PDE4D: variants seen among roughly 807,000 people sequenced by gnomAD.
PDE4D encodes phosphodiesterase 4D.
Under a neutral mutation model 87.4 loss-of-function variants are expected in PDE4D, and 24 were observed. That is an observed-to-expected ratio of 0.27 (90% CI 0.20 to 0.39). PDE4D has a LOEUF of 0.39. Among genes scored for constraint, PDE4D ranks in the 10% least tolerant of loss-of-function variants. The pLI, the probability that PDE4D is intolerant of heterozygous loss-of-function variation, is 1.00. For synonymous variants in PDE4D, 384 were observed against 383.2 expected (o/e 1.00, Z -0.02); for missense variants, 714 against 1,041.0 (o/e 0.69, Z 4.32).
intron 1 of PDE4D, among the ~76,000 whole-genome samples, chr5:59,419,007 A>C (rs546341565): frequency 6.6e-6 from 1 of 152,152 alleles, no homozygotes; most frequent in South Asian, 2.1e-4. Context: ...GCTGGGTCTC[A>C]GTTTTCTTAT....
intron 1 of PDE4D, among the ~76,000 whole-genome samples, chr5:60,203,098 A>C (rs1742119008): frequency 6.6e-6 from 1 of 152,064 alleles, no homozygotes; most frequent in Non-Finnish European, 1.5e-5. Flanking sequence ...TAGCCTGCTG[A>C]GTAGCTGGGA....
intron 1 of PDE4D, among the ~76,000 whole-genome samples, chr5:60,520,395 T>C (rs1441708299): frequency 6.6e-6 from 1 of 152,222 alleles, no homozygotes; most frequent in African/African-American, 2.4e-5. Context: ...ATCCTTTGCC[T>C]GGGAGTGAGA....
intron 1 of PDE4D, among the ~76,000 whole-genome samples, chr5:59,652,830 A>G (rs1743731299): frequency 6.6e-6 from 1 of 152,108 alleles, no homozygotes; most frequent in South Asian, 2.1e-4. Flanking sequence ...TCCATCAAGG[A>G]AACTGTCAGA....
intron 2 of PDE4D, among the ~76,000 whole-genome samples, chr5:60,134,328 A>G (rs1030284804): frequency 6.6e-6 from 1 of 151,942 alleles, no homozygotes; most frequent in Non-Finnish European, 1.5e-5. Context: ...TTTTGTAGAG[A>G]CCCCATCTCC....
At chr5:59,822,454 CATTTT>C (rs1482410696) in intron 1 of PDE4D, among the ~76,000 whole-genome samples, 7 of 151,996 alleles carry the variant, frequency 4.6e-5, no homozygotes, top group Non-Finnish European at 1.0e-4. Context: ...TGTTATATTT[CATTTT>C]ATTTATATTT....
chr5:60,316,686 T>A (rs1243842679), intron 1 of PDE4D, among the ~76,000 whole-genome samples: 2 of 152,180 alleles, frequency 1.3e-5, no homozygotes, highest in Admixed American at 6.5e-5. Context: ...TATTGAGAGT[T>A]TTTAGCATGA....
At chr5:60,404,823 G>C (rs1228195806) in intron 1 of PDE4D, among the ~76,000 whole-genome samples, 3 of 152,206 alleles carry the variant, frequency 2.0e-5, no homozygotes, top group Non-Finnish European at 2.9e-5. Flanking sequence ...GTTGGAAAGA[G>C]ACCAGTTTGC....
intron 1 of PDE4D, among the ~76,000 whole-genome samples, chr5:59,756,062 C>A (rs1201375270): frequency 6.6e-6 from 1 of 151,370 alleles, no homozygotes; most frequent in Non-Finnish European, 1.5e-5. Flanking sequence ...ATGCTAAACC[C>A]CTTCAAAAAG....
chr5:60,126,959 T>C (rs1320590933), intron 2 of PDE4D, among the ~76,000 whole-genome samples: 1 of 152,212 alleles, frequency 6.6e-6, no homozygotes, highest in Admixed American at 6.6e-5. Context: ...GAAAGAAGTA[T>C]GCAGCGTATG....
Position 59,741,577 on chromosome 5 carries a change from C to T in PDE4D, c.455+151591G>A, listed in dbSNP as rs532270587. Among the ~76,000 whole-genome samples, 6 of 152,118 alleles carry T rather than the reference C, an allele frequency of 3.9e-5. No individual in the cohort carries two copies. In the South Asian group the frequency reaches 6.2e-4, roughly 16 times the overall value. On this transcript the variant is annotated intron_variant, in intron 1 of 14. Coordinates refer to ENST00000340635, the MANE Select transcript of PDE4D (RefSeq NM_001104631.2). Reference sequence around the variant, plus strand: ...TGCCGTATATTTATTTAAAATTTCACGTATTTTCTTCCACAAAACTTGATT... The same window carrying T: ...TGCCGTATATTTATTTAAAATTTCATGTATTTTCTTCCACAAAACTTGATT...
At chr5:59,871,086 G>A (rs2152737055) in intron 1 of PDE4D, among the ~76,000 whole-genome samples, 1 of 152,280 alleles carries the variant, frequency 6.6e-6, no homozygotes, top group East Asian at 1.9e-4. Flanking sequence ...GTCAACATCT[G>A]TAATTTTCTT....
At chr5:60,475,438 T>A (rs748012802) in intron 1 of PDE4D, among the ~76,000 whole-genome samples, 2 of 152,060 alleles carry the variant, frequency 1.3e-5, no homozygotes, top group Non-Finnish European at 2.9e-5. Context: ...GAGAAAAATA[T>A]AAGGCCAAGG....
chr5:60,393,348 T>A (rs903709490), intron 1 of PDE4D, among the ~76,000 whole-genome samples: 2 of 152,180 alleles, frequency 1.3e-5, no homozygotes, highest in Non-Finnish European at 2.9e-5. Context: ...TCTTTAAGCA[T>A]CGCACATTGT....
At chr5:59,247,756 T>C (rs955027232) in intron 1 of PDE4D, among the ~76,000 whole-genome samples, 2 of 152,030 alleles carry the variant, frequency 1.3e-5, no homozygotes, top group African/African-American at 4.8e-5. Context: ...CCTTGATCTT[T>C]ACAGATATGA....
chr5:60,223,274 A>G (rs1321701823), intron 1 of PDE4D, among the ~76,000 whole-genome samples: 1 of 152,176 alleles, frequency 6.6e-6, no homozygotes, highest in Non-Finnish European at 1.5e-5. Context: ...AGCTTTGAGT[A>G]TACCTAATTA....
chr5:59,031,071 G>A (rs908296011), intron 6 of PDE4D, among the ~76,000 whole-genome samples: 1 of 152,006 alleles, frequency 6.6e-6, no homozygotes, highest in Admixed American at 6.6e-5. Flanking sequence ...TCAAACAGAT[G>A]AATGATAACA....
At chr5:59,973,270 TA>T in intron 3 of PDE4D, among the ~76,000 whole-genome samples, 1 of 152,186 alleles carries the variant, frequency 6.6e-6, no homozygotes, top group Admixed American at 6.5e-5. Flanking sequence ...GTGAGAAAAA[TA>T]AAAAACCACA....
chr5:60,366,043 CAAAA>C (rs201694311), intron 1 of PDE4D, among the ~76,000 whole-genome samples: 3 of 70,706 alleles, frequency 4.2e-5, no homozygotes, highest in African/African-American at 5.2e-5. Flanking sequence ...GACTCTGTCT[CAAAA>C]AAAAAAAAAA....
rs192482198 is a variant in PDE4D at position 59,373,353 on chromosome 5, A to T, written c.456-157385T>A. Among the ~76,000 whole-genome samples the T allele has an allele frequency of 4.6e-4, 70 of 152,344 alleles. 1 individual carries two copies. The highest frequency in any genetic ancestry group is 1.6e-3 in the African/African-American group (67 of 41,580). On this transcript the variant is annotated intron_variant, in intron 1 of 14. Coordinates refer to ENST00000340635, the MANE Select transcript of PDE4D (RefSeq NM_001104631.2). Reference sequence around the variant, plus strand: ...GAATGTCACCAACCTGATAGAACTGAAAACATTATTAGAATTTCATAATGT... The same window carrying T: ...GAATGTCACCAACCTGATAGAACTGTAAACATTATTAGAATTTCATAATGT...
Sources: gnomAD v4.1 joint callset for allele counts (sites outside exome capture counted in the v4.1 genomes callset) on GRCh38, gnomAD v4.1.1 for gene constraint, MANE v1.5 for transcripts, NCBI Gene and HGNC (gene_info 2026-07-23, HGNC 2026-07-21) for gene names.